The following MFHAS1 variants were observed in gnomAD, a reference collection of about 807,000 sequenced individuals.
The protein encoded by MFHAS1 is malignant fibrous histiocytoma-amplified sequence 1.
MFHAS1 carries 50 observed loss-of-function variants against 70.4 expected under a neutral mutation model. That is an observed-to-expected ratio of 0.71 (90% CI 0.57 to 0.90). MFHAS1 has a LOEUF of 0.90. Among genes scored for constraint, MFHAS1 ranks in the 40% least tolerant of loss-of-function variants. The pLI is 0.00. For synonymous variants in MFHAS1, 952 were observed against 620.0 expected (o/e 1.54, Z -7.96); for missense variants, 1,795 against 1,347.6 (o/e 1.33, Z -5.20).
At chr8:8,876,508 G>A (rs1324030628) in intron 1 of MFHAS1, among the ~76,000 whole-genome samples, 1 of 152,042 alleles carries the variant, frequency 6.6e-6, no homozygotes, top group Admixed American at 6.5e-5. Flanking sequence ...GATGAGGCAG[G>A]CAGACTGCCT....
chr8:8,813,610 C>A (rs766731061), intron 1 of MFHAS1, among the ~76,000 whole-genome samples: 5 of 152,074 alleles, frequency 3.3e-5, no homozygotes, highest in African/African-American at 4.8e-5. Flanking sequence ...ATAGAAAAAA[C>A]TCATACAATA....
chr8:8,790,008 T>C (rs1805671614), intron 2 of MFHAS1, among the ~76,000 whole-genome samples: 1 of 152,210 alleles, frequency 6.6e-6, no homozygotes, highest in Non-Finnish European at 1.5e-5. Context: ...CCTGTGTAGT[T>C]CCTGAAGGTG....
At chr8:8,851,844 G>T (rs1808258672) in intron 1 of MFHAS1, among the ~76,000 whole-genome samples, 2 of 152,174 alleles carry the variant, frequency 1.3e-5, no homozygotes, top group South Asian at 2.1e-4. Context: ...GCAAAATAAA[G>T]ATTTCCTGGC....
chr8:8,810,344 C>A (rs934468662), intron 1 of MFHAS1, among the ~76,000 whole-genome samples: 1 of 152,096 alleles, frequency 6.6e-6, no homozygotes, highest in African/African-American at 2.4e-5. Flanking sequence ...CCAGTATGGG[C>A]GGCAAAGCAA....
At chr8:8,843,681 C>T (rs185769850) in intron 1 of MFHAS1, among the ~76,000 whole-genome samples, 18 of 152,184 alleles carry the variant, frequency 1.2e-4, no homozygotes, top group Non-Finnish European at 2.1e-4. Flanking sequence ...TGAGCAGGTC[C>T]GGTGTGGAAG....
At chr8:8,855,949 T>C (rs1278599204) in intron 1 of MFHAS1, among the ~76,000 whole-genome samples, 1 of 152,224 alleles carries the variant, frequency 6.6e-6, no homozygotes, top group African/African-American at 2.4e-5. Flanking sequence ...TATAAAACAC[T>C]GGCCATAACA....
rs1805486589 is a variant in MFHAS1 at position 8,785,004 on chromosome 8, G to C, written c.*1018C>G. 1.3e-5 allele frequency: 2 copies of C among 152,152 alleles called. No homozygotes were observed. The highest frequency in any genetic ancestry group is 2.9e-5 in the Non-Finnish European group (2 of 68,032). 9.4% of individuals were successfully genotyped at this position (152,152 alleles called of 1,614,324 possible). ...GCCTAAATTCACAACCTTAAGATCT[G>C]ACAGCCAGATGTGGAAGGTCTACAA... is the stretch of plus-strand genomic sequence containing the variant. On this transcript the variant is annotated 3_prime_UTR_variant, in exon 3 of 3. Transcript: ENST00000276282.
At chr8:8,820,050 A>T (rs1206543990) in intron 1 of MFHAS1, among the ~76,000 whole-genome samples, 1 of 152,182 alleles carries the variant, frequency 6.6e-6, no homozygotes, top group African/African-American at 2.4e-5. Context: ...CCCAGTGTAA[A>T]TTTAGTTTTT....
At chr8:8,791,876 C>A (rs1325253348) in intron 2 of MFHAS1, among the ~76,000 whole-genome samples, 3 of 152,148 alleles carry the variant, frequency 2.0e-5, no homozygotes, top group Non-Finnish European at 4.4e-5. Context: ...CTGGCAGTGG[C>A]AGGAGCAAGA....
intron 1 of MFHAS1, among the ~76,000 whole-genome samples, chr8:8,826,427 C>T (rs1807165756): frequency 6.6e-6 from 1 of 152,056 alleles, no homozygotes; most frequent in African/African-American, 2.4e-5. Flanking sequence ...ATAGTTCTAG[C>T]CAATGAAATG....
At chr8:8,886,453 C>T (rs927296592) in intron 1 of MFHAS1, among the ~76,000 whole-genome samples, 8 of 152,160 alleles carry the variant, frequency 5.3e-5, no homozygotes, top group Non-Finnish European at 8.8e-5. Context: ...CAGCCCTGAG[C>T]CACTGCACGC....
chr8:8,806,770 A>G (rs1806305421), intron 1 of MFHAS1, among the ~76,000 whole-genome samples: 1 of 152,056 alleles, frequency 6.6e-6, no homozygotes, highest in Non-Finnish European at 1.5e-5. Flanking sequence ...AGGCCAGCCT[A>G]GCCAACATGT....
intron 1 of MFHAS1, among the ~76,000 whole-genome samples, chr8:8,803,877 C>T (rs1321396120): frequency 6.6e-6 from 1 of 152,040 alleles, no homozygotes; most frequent in African/African-American, 2.4e-5. Context: ...GAAGCTGAGG[C>T]AGGAGAATCA....
chr8:8,796,679 G>A (rs1219449765), intron 2 of MFHAS1, among the ~76,000 whole-genome samples: 16 of 9,282 alleles, frequency 1.7e-3, no homozygotes, highest in Middle Eastern at 0.05. Flanking sequence ...GCAAGACTCC[G>A]TCTCAAAACA....
intron 1 of MFHAS1, among the ~76,000 whole-genome samples, chr8:8,883,665 G>A (rs1247114308): frequency 1.2e-4 from 15 of 121,974 alleles, no homozygotes; most frequent in African/African-American, 4.0e-4. Context: ...CTCAGACAGC[G>A]CCACTACACT....
At chr8:8,856,834 T>C (rs776934656) in intron 1 of MFHAS1, among the ~76,000 whole-genome samples, 1 of 152,114 alleles carries the variant, frequency 6.6e-6, no homozygotes, top group African/African-American at 2.4e-5. Flanking sequence ...AGTTTATTGC[T>C]GCACACGGGA....
At chr8:8,786,671 C>T (rs557399125) in intron 2 of MFHAS1, among the ~76,000 whole-genome samples, 1 of 149,050 alleles carries the variant, frequency 6.7e-6, no homozygotes, top group Non-Finnish European at 1.5e-5. Flanking sequence ...TGCTTCCCTA[C>T]AATGACATGT....
intron 1 of MFHAS1, among the ~76,000 whole-genome samples, chr8:8,817,897 A>G (rs1207167441): frequency 6.6e-6 from 1 of 152,198 alleles, no homozygotes; most frequent in Non-Finnish European, 1.5e-5. Flanking sequence ...TACGGGGAGC[A>G]GCTATAAACA....
At chr8:8,864,516 A>G (rs574268162) in intron 1 of MFHAS1, among the ~76,000 whole-genome samples, 1 of 152,394 alleles carries the variant, frequency 6.6e-6, no homozygotes, top group African/African-American at 2.4e-5. Flanking sequence ...GATGTGTTTC[A>G]GACAAGTCAA....
Sources: allele counts gnomAD v4.1 joint callset (sites outside exome capture counted in the v4.1 genomes callset), GRCh38; gene constraint gnomAD v4.1.1; transcripts MANE v1.5; gene names NCBI Gene and HGNC (gene_info 2026-07-23, HGNC 2026-07-21).